NGEF: variants seen among roughly 807,000 people sequenced by gnomAD.
NGEF encodes the protein neuronal guanine nucleotide exchange factor, also known as ephexin-1.
Under a neutral mutation model 80.9 loss-of-function variants are expected in NGEF, and 31 were observed. The observed-to-expected ratio is 0.38, with a 90% CI of 0.29 to 0.52. The LOEUF is 0.52. Among genes scored for constraint, NGEF ranks in the 20% least tolerant of loss-of-function variants. The pLI is 0.84. For missense variants in NGEF, 709 were observed against 926.2 expected, an observed-to-expected ratio of 0.77 and a Z score of 3.04; for synonymous variants, 371 against 370.2, an observed-to-expected ratio of 1.00 and a Z score of -0.03.
At chr2:232,983,158 T>C (rs1352560705) in intron 1 of NGEF, among the ~76,000 whole-genome samples, 1 of 151,084 alleles carries the variant, frequency 6.6e-6, no homozygotes, top group Non-Finnish European at 1.5e-5. Context: ...AAATCTTAAG[T>C]GGAAATTCAG....
intron 1 of NGEF, among the ~76,000 whole-genome samples, chr2:233,011,783 T>C (rs958161859): frequency 6.6e-6 from 1 of 152,190 alleles, no homozygotes; most frequent in Non-Finnish European, 1.5e-5. Flanking sequence ...TCTAGCCTCA[T>C]CTGTGTCCCC....
chr2:232,995,149 T>C lies in NGEF; in HGVS notation c.-75+17919A>G, dbSNP rs1422068336. On this transcript the variant is annotated intron_variant, in intron 1 of 14. Coordinates refer to ENST00000264051, the MANE Select transcript of NGEF (RefSeq NM_019850.3). ...TGTATATATGTACAGTATGTATATA[T>C]GTACAGTATGTATACTGTATATGTG... Among the ~76,000 whole-genome samples the C allele has an allele frequency of 2.5e-4, 9 of 35,358 alleles. 2 individuals carry two copies. The highest frequency in any genetic ancestry group is 5.0e-4 in the Non-Finnish European group (8 of 15,910). The allele number at this position is 35,358 out of a possible 152,430, so 23.2% of individuals were successfully genotyped here.
chr2:232,895,051 G>A, intron 5 of NGEF, 135 bp from the exon 6 acceptor site: 2 of 963,890 alleles, frequency 2.1e-6, no homozygotes, highest in East Asian at 2.5e-5. Flanking sequence ...CTGGGGCCTG[G>A]GATGGCTGCT....
intron 1 of NGEF, among the ~76,000 whole-genome samples, chr2:233,001,362 G>A (rs1418889649): frequency 1.3e-5 from 2 of 152,152 alleles, no homozygotes; most frequent in African/African-American, 2.4e-5. Flanking sequence ...TAGAAGCATC[G>A]AAAGCACCTT....
At chr2:232,947,435 C>A (rs1278824228) in intron 3 of NGEF, among the ~76,000 whole-genome samples, 1 of 152,118 alleles carries the variant, frequency 6.6e-6, no homozygotes, top group Non-Finnish European at 1.5e-5. Context: ...GAGGGACCTG[C>A]AAACTCTACC....
At chr2:232,960,496 A>G (rs6742303) in intron 3 of NGEF, among the ~76,000 whole-genome samples, 91,143 of 152,026 alleles carry the variant, frequency 0.6, 28,055 homozygotes, top group African/African-American at 0.73. Context: ...TGGAAAGGGG[A>G]GGTCATGGGT....
intron 11 of NGEF, 25 bp downstream of exon 11, chr2:232,883,956 C>T: frequency 6.3e-7 from 1 of 1,590,956 alleles, no homozygotes. Flanking sequence ...CACCGGAGCG[C>T]CTGATGCCCT....
chr2:232,963,595 C>T (rs890406701), intron 3 of NGEF, among the ~76,000 whole-genome samples: 1 of 152,030 alleles, frequency 6.6e-6, no homozygotes, highest in Non-Finnish European at 1.5e-5. Flanking sequence ...AGGCAGATCA[C>T]CTGAGGTCAG....
intron 1 of NGEF, among the ~76,000 whole-genome samples, chr2:233,006,098 G>A (rs959587678): frequency 1.3e-5 from 2 of 152,230 alleles, no homozygotes; most frequent in African/African-American, 4.8e-5. Flanking sequence ...TTACAGGCGT[G>A]AGCCACTGCG....
intron 14 of NGEF, among the ~76,000 whole-genome samples, chr2:232,880,894 C>T (rs969211012): frequency 2.6e-5 from 4 of 152,138 alleles, no homozygotes; most frequent in African/African-American, 9.7e-5. Flanking sequence ...GGGCCCACTG[C>T]GAAGGAGGAA....
chr2:232,954,190 C>T (rs1490814271), intron 3 of NGEF, among the ~76,000 whole-genome samples: 1 of 152,068 alleles, frequency 6.6e-6, no homozygotes, highest in East Asian at 1.9e-4. Flanking sequence ...CCCTCTCAAG[C>T]TGGGCCCTGG....
intron 1 of NGEF, among the ~76,000 whole-genome samples, chr2:232,982,739 C>G (rs2106328799): frequency 6.6e-6 from 1 of 152,334 alleles, no homozygotes; most frequent in South Asian, 2.1e-4. Flanking sequence ...GTCTCGAACT[C>G]CTGACCTCAG....
intron 5 of NGEF, among the ~76,000 whole-genome samples, chr2:232,903,001 C>A (rs56224262): frequency 2.4e-3 from 147 of 60,764 alleles, no homozygotes; most frequent in African/African-American, 7.5e-3. Flanking sequence ...TAAAACAAAA[C>A]AAAAACAAAA....
chr2:232,978,880 G>A (rs12694920), intron 1 of NGEF, among the ~76,000 whole-genome samples: 7 of 151,982 alleles, frequency 4.6e-5, no homozygotes, highest in Non-Finnish European at 8.8e-5. Flanking sequence ...ACAGGCGCCC[G>A]CCTAATACTT....
chr2:232,934,073 C>A (rs867125363), intron 3 of NGEF, among the ~76,000 whole-genome samples: 3 of 152,162 alleles, frequency 2.0e-5, no homozygotes, highest in Non-Finnish European at 2.9e-5. Flanking sequence ...GAAACCCTGT[C>A]TCTAGTAAAA....
rs577257560 is a variant in NGEF, at chr2:232,892,787, G to A, written c.1142+111C>T. 1.7e-4 allele frequency: 205 copies of A among 1,213,182 alleles called. No homozygotes were observed. The East Asian group carries it at 3.4e-3, about 20-fold the overall frequency. The allele number at this position is 1,213,182 out of a possible 1,614,324, so 75.2% of individuals were successfully genotyped here. A position where few individuals can be genotyped will look rare whatever the true frequency, so the allele number is the denominator to read the frequency against. On this transcript the variant is annotated intron_variant, in intron 7 of 14. Coordinates refer to ENST00000264051, the MANE Select transcript of NGEF (RefSeq NM_019850.3). The surrounding 1 kb of genome is among the most constrained non-coding windows in gnomAD (Gnocchi z 4.0). The stretch of plus-strand genomic sequence containing the variant: ...GGTGGCTCATGTGGACCTTGGGAAC[G>A]CAGAGGTAAAGGACCATGAAGTGTC...
chr2:232,885,417 G>A (rs541027574), intron 9 of NGEF, 48 bp from the exon 10 acceptor site: 15 of 1,522,444 alleles, frequency 9.9e-6, no homozygotes, highest in South Asian at 6.7e-5. Flanking sequence ...CGGCTGTCCC[G>A]GCCCCTTCCT....
chr2:232,961,387 A>G (rs1468739124), intron 3 of NGEF, among the ~76,000 whole-genome samples: 1 of 152,074 alleles, frequency 6.6e-6, no homozygotes. Flanking sequence ...CACAGCTCCC[A>G]CTGATGAGGT....
chr2:232,882,224 C>T lies in NGEF; in HGVS notation c.1799G>A (p.Arg600Lys). Residue 600 changes from arginine (R) to lysine (K), a missense_variant, in exon 13 of 15, where the codon AGG becomes AAG. By Grantham distance (26) the Arg-to-Lys change is conservative. Coordinates refer to ENST00000264051, the MANE Select transcript of NGEF (RefSeq NM_019850.3). Reference sequence around the variant, plus strand: ...TGTGAACGAAACAAACTTGGTCCTCCTGTTGGGGGCCAGTGAGGTCATCCA... The same window carrying T: ...TGTGAACGAAACAAACTTGGTCCTCTTGTTGGGGGCCAGTGAGGTCATCCA... ...KRWMTSLAPN[R>K]RTKFVSFTSR... The T allele has an allele frequency of 1.2e-6, 2 of 1,613,862 alleles. No individual in the cohort carries two copies. The highest frequency in any genetic ancestry group is 1.1e-5 in the South Asian group (1 of 91,024).
Sources: allele counts gnomAD v4.1 joint callset (sites outside exome capture counted in the v4.1 genomes callset), GRCh38; gene constraint gnomAD v4.1.1; non-coding constraint Gnocchi (gnomAD v3.1); transcripts MANE v1.5; gene names NCBI Gene and HGNC (gene_info 2026-07-23, HGNC 2026-07-21).